Variants in TMEM229B observed in about 807,000 individuals in gnomAD.
The protein encoded by TMEM229B is transmembrane protein 229B.
Under a neutral mutation model 13.7 loss-of-function variants are expected in TMEM229B, and 6 were observed. That is an observed-to-expected ratio of 0.44 (90% CI 0.24 to 0.86). TMEM229B has a LOEUF of 0.86. Among genes scored for constraint, TMEM229B ranks in the 40% least tolerant of loss-of-function variants. The pLI is 0.23. For synonymous variants in TMEM229B, 107 were observed against 102.1 expected, an observed-to-expected ratio of 1.05 and a Z score of -0.29; for missense variants, 170 against 236.0, an observed-to-expected ratio of 0.72 and a Z score of 1.83.
At chr14:67,500,044 A>C (rs1174710970) in intron 1 of TMEM229B, among the ~76,000 whole-genome samples, 1 of 152,128 alleles carries the variant, frequency 6.6e-6, no homozygotes, top group Non-Finnish European at 1.5e-5. Context: ...TTTGCATCAA[A>C]AAAGTGAATA....
Position 67,527,545 on chromosome 14 carries a change from G to T in TMEM229B, c.-192+6091C>A, listed in dbSNP as rs370937901. 9.2e-5 allele frequency among the ~76,000 whole-genome samples: 14 copies of T among 152,334 alleles called. No individual in the cohort carries two copies. The East Asian group carries it at 1.9e-3, about 21-fold the overall frequency. ...CGATTTTTAATTAGGAGATTAGAAA[G>T]AAAGATTTCATTTGTTTGCAGTGCC... On this transcript the variant is annotated intron_variant, in intron 1 of 2. Coordinates refer to the TMEM229B transcript ENST00000554278.
intron 1 of TMEM229B, among the ~76,000 whole-genome samples, chr14:67,529,429 C>T (rs1380086808): frequency 6.6e-6 from 1 of 152,144 alleles, no homozygotes; most frequent in Admixed American, 6.5e-5. Flanking sequence ...AGCACAGTGG[C>T]TGGAAAATAG....
At chr14:67,525,415 T>C (rs2033351120) in intron 1 of TMEM229B, among the ~76,000 whole-genome samples, 1 of 152,256 alleles carries the variant, frequency 6.6e-6, no homozygotes, top group Non-Finnish European at 1.5e-5. Flanking sequence ...ATAATTTTAA[T>C]ACTTTACTTA....
chr14:67,519,832 C>T (rs8019176), upstream of TMEM229B, among the ~76,000 whole-genome samples: 65,217 of 151,744 alleles, frequency 0.43, 14,367 homozygotes, highest in Non-Finnish European at 0.48. Context: ...AAGCGATTCT[C>T]CTGCTTCAGC....
chr14:67,521,375 G>T (rs986102523), intron 1 of TMEM229B, among the ~76,000 whole-genome samples: 1 of 152,222 alleles, frequency 6.6e-6, no homozygotes, highest in South Asian at 2.1e-4. Flanking sequence ...GATGGAAAGG[G>T]GTACCAGTGG....
At chr14:67,485,230 G>A (rs761158624) in intron 2 of TMEM229B, among the ~76,000 whole-genome samples, 1 of 152,184 alleles carries the variant, frequency 6.6e-6, no homozygotes, top group Non-Finnish European at 1.5e-5. Flanking sequence ...TCTGAGGAAC[G>A]ACGTTCCCAC....
chr14:67,511,729 C>T (rs1242197759), intron 1 of TMEM229B, among the ~76,000 whole-genome samples: 1 of 152,190 alleles, frequency 6.6e-6, no homozygotes, highest in Non-Finnish European at 1.5e-5. Flanking sequence ...CACTCTGTGA[C>T]CTCCGCTCCA....
chr14:67,527,774 G>C (rs867899865), intron 1 of TMEM229B, among the ~76,000 whole-genome samples: 1 of 152,326 alleles, frequency 6.6e-6, no homozygotes. Flanking sequence ...TTACAGTTAG[G>C]TGAGGCACAA....
intron 1 of TMEM229B, among the ~76,000 whole-genome samples, chr14:67,531,582 A>C (rs891640127): frequency 1.3e-5 from 2 of 151,764 alleles, no homozygotes; most frequent in African/African-American, 4.8e-5. Flanking sequence ...TCCACTCTCC[A>C]TGGTGCGTCT....
At chr14:67,525,245 T>C (rs894982248) in intron 1 of TMEM229B, among the ~76,000 whole-genome samples, 3 of 152,208 alleles carry the variant, frequency 2.0e-5, no homozygotes, top group Admixed American at 2.0e-4. Flanking sequence ...TACATATAGT[T>C]ATATGTATAC....
intron 1 of TMEM229B, among the ~76,000 whole-genome samples, chr14:67,528,813 A>C (rs573403121): frequency 6.6e-6 from 1 of 152,358 alleles, no homozygotes; most frequent in South Asian, 2.1e-4. Context: ...ACTCAAGGGC[A>C]TACCAGTCAA....
intron 1 of TMEM229B, among the ~76,000 whole-genome samples, chr14:67,510,695 C>T (rs2032996577): frequency 1.3e-5 from 2 of 152,170 alleles, no homozygotes; most frequent in Non-Finnish European, 2.9e-5. Flanking sequence ...TGCCTTATTC[C>T]TGGCTTTGAA....
At chr14:67,514,588 T>C (rs982682501) in intron 1 of TMEM229B, among the ~76,000 whole-genome samples, 1 of 152,090 alleles carries the variant, frequency 6.6e-6, no homozygotes, top group South Asian at 2.1e-4. Context: ...CCTTCCCTTC[T>C]GGAAAGTCCT....
At chr14:67,507,819 C>T (rs2032880999) in intron 1 of TMEM229B, among the ~76,000 whole-genome samples, 5 of 152,194 alleles carry the variant, frequency 3.3e-5, no homozygotes. Flanking sequence ...CACCACCTCT[C>T]AGCTGCCCCA....
chr14:67,475,195 G>A (rs758166330), intron 2 of TMEM229B, among the ~76,000 whole-genome samples: 7 of 152,314 alleles, frequency 4.6e-5, no homozygotes, highest in Admixed American at 1.3e-4. Context: ...GATTACAGGC[G>A]TGAGCCACTG....
chr14:67,500,747 A>G (rs1052352545), intron 1 of TMEM229B, among the ~76,000 whole-genome samples: 1 of 151,002 alleles, frequency 6.6e-6, no homozygotes, highest in Non-Finnish European at 1.5e-5. Flanking sequence ...AATTTTTTGT[A>G]TTTTTACTAG....
At chr14:67,485,639 CG>C (rs2031830475) in intron 2 of TMEM229B, among the ~76,000 whole-genome samples, 2 of 152,204 alleles carry the variant, frequency 1.3e-5, no homozygotes, top group Non-Finnish European at 1.5e-5. Context: ...CACCAGGCTA[CG>C]GGCCCTGCAC....
intron 1 of TMEM229B, among the ~76,000 whole-genome samples, chr14:67,509,009 G>A (rs2140233078): frequency 6.6e-6 from 1 of 152,164 alleles, no homozygotes; most frequent in Middle Eastern, 3.4e-3. Flanking sequence ...ATGAGGATTG[G>A]GGTCAAGAAT....
chr14:67,478,011 C>T, intron 2 of TMEM229B, among the ~76,000 whole-genome samples: 1 of 152,220 alleles, frequency 6.6e-6, no homozygotes, highest in African/African-American at 2.4e-5. Context: ...AGTAAGCATT[C>T]AAGAGAAGAA....
Sources: gnomAD v4.1 joint callset for allele counts (sites outside exome capture counted in the v4.1 genomes callset) on GRCh38, gnomAD v4.1.1 for gene constraint, MANE v1.5 for transcripts, NCBI Gene and HGNC (gene_info 2026-07-23, HGNC 2026-07-21) for gene names.